Variants in NTM observed in about 807,000 individuals in gnomAD.
NTM encodes IgLON family member 2.
In NTM, 13 loss-of-function variants were observed where a neutral mutation model predicts 42.1. The ratio of observed to expected loss-of-function variants is 0.31; its 90% CI spans 0.20 to 0.49. The LOEUF is 0.49. NTM is among the 20% of genes least tolerant of loss of function. The pLI, the probability that NTM is intolerant of heterozygous loss-of-function variation, is 0.99. For synonymous variants in NTM, 187 were observed against 179.2 expected (o/e 1.04, Z -0.35); for missense variants, 373 against 452.8 (o/e 0.82, Z 1.60).
chr11:132,310,361 C>A, intron 6 of NTM, 129 bp downstream of exon 6: 3 of 825,172 alleles, frequency 3.6e-6, no homozygotes, highest in Non-Finnish European at 5.3e-6. Context: ...CTATAGGGGG[C>A]AAATGTGCAA....
rs533775865 is a variant in NTM, at chr11:131,715,257, C to T, written c.83-196307C>T. ...AGAAGGAGCTACAGAATTACTATTC[C>T]TATTTATAGCAAGATTGAACCAGAT... On this transcript the variant is annotated intron_variant, in intron 1 of 8. Coordinates refer to ENST00000683400, the MANE Select transcript of NTM (RefSeq NM_001352005.2). 4.6e-5 allele frequency among the ~76,000 whole-genome samples: 7 copies of T among 152,280 alleles called. No individual in the cohort carries two copies. The East Asian group carries it at 1.4e-3, about 29-fold the overall frequency.
At chr11:131,557,057 TTTTTTC>T (rs2055535106) in intron 1 of NTM, among the ~76,000 whole-genome samples, 1 of 152,060 alleles carries the variant, frequency 6.6e-6, no homozygotes, top group Non-Finnish European at 1.5e-5. Flanking sequence ...ATTTGTAACT[TTTTTTC>T]TTTTTTTAAC....
At chr11:131,567,898 CAG>C (rs1268199765) in intron 1 of NTM, among the ~76,000 whole-genome samples, 3 of 152,186 alleles carry the variant, frequency 2.0e-5, no homozygotes, top group African/African-American at 7.2e-5. Flanking sequence ...TTTGTAGTGA[CAG>C]AGGTGCAATC....
At chr11:131,527,142 C>A (rs753030084) in intron 1 of NTM, among the ~76,000 whole-genome samples, 1 of 152,112 alleles carries the variant, frequency 6.6e-6, no homozygotes, top group Non-Finnish European at 1.5e-5. Context: ...ATGTGTAACC[C>A]CCCTGGTCTC....
At chr11:132,064,416 A>T (rs1175746326) in intron 2 of NTM, among the ~76,000 whole-genome samples, 1 of 152,210 alleles carries the variant, frequency 6.6e-6, no homozygotes, top group African/African-American at 2.4e-5. Context: ...TAAGTTAGGT[A>T]CATGTTACAT....
chr11:131,814,207 T>C lies in NTM; in HGVS notation c.83-97357T>C, dbSNP rs376472521. ...GTGGGTACACATGGTCCCTATTCTCTGCTGGCCACTTTGGGTTTTACTCCA... is the reference window on the plus strand; with the variant it reads ...GTGGGTACACATGGTCCCTATTCTCCGCTGGCCACTTTGGGTTTTACTCCA... On this transcript the variant is annotated intron_variant, in intron 1 of 8. Coordinates refer to ENST00000683400, the MANE Select transcript of NTM (RefSeq NM_001352005.2). Among the ~76,000 whole-genome samples the C allele has an allele frequency of 9.8e-5, 15 of 152,330 alleles. No individual in the cohort carries two copies. In the South Asian group the frequency reaches 1.0e-3, roughly 11 times the overall value.
rs559527856 is a variant in NTM, at chr11:131,820,602, C to G, written c.83-90962C>G. Among the ~76,000 whole-genome samples the G allele has an allele frequency of 2.6e-5, 4 of 152,276 alleles. No homozygotes were observed. In the South Asian group the frequency reaches 8.3e-4, roughly 32 times the overall value. ...TTTTCCTGATCTGCTCTCCCTCTCT[C>G]CCACAGAGTTCACTATCCTTAATTT... On this transcript the variant is annotated intron_variant, in intron 1 of 8. Coordinates refer to ENST00000683400, the MANE Select transcript of NTM (RefSeq NM_001352005.2).
chr11:131,545,260 CATG>C (rs2136847082), intron 1 of NTM, among the ~76,000 whole-genome samples: 1 of 152,270 alleles, frequency 6.6e-6, no homozygotes, highest in East Asian at 1.9e-4. Flanking sequence ...TTTTTAAATG[CATG>C]ATACCTTTTC....
At chr11:131,920,715 C>G (rs1389405769) in intron 2 of NTM, among the ~76,000 whole-genome samples, 1 of 151,976 alleles carries the variant, frequency 6.6e-6, no homozygotes, top group Admixed American at 6.5e-5. Context: ...ATAAAATGAA[C>G]GTATGAACTA....
chr11:132,268,130 T>C (rs2093301841), intron 4 of NTM, among the ~76,000 whole-genome samples: 1 of 152,202 alleles, frequency 6.6e-6, no homozygotes, highest in African/African-American at 2.4e-5. Context: ...CTTAAATGTG[T>C]AAAGATTTTG....
chr11:132,240,500 C>T (rs1566555610), intron 4 of NTM, among the ~76,000 whole-genome samples: 1 of 152,220 alleles, frequency 6.6e-6, no homozygotes, highest in Non-Finnish European at 1.5e-5. Flanking sequence ...GCATTACTAA[C>T]TTGACTCTTC....
intron 1 of NTM, among the ~76,000 whole-genome samples, chr11:131,542,962 C>T (rs193058592): frequency 2.6e-4 from 40 of 152,276 alleles, no homozygotes; most frequent in Non-Finnish European, 3.7e-4. Context: ...ATCCAAAATA[C>T]GAGGCCCATA....
intron 1 of NTM, among the ~76,000 whole-genome samples, chr11:131,512,561 C>T (rs1283601900): frequency 6.6e-6 from 1 of 152,200 alleles, no homozygotes; most frequent in Admixed American, 6.5e-5. Flanking sequence ...CTGTGCTCCT[C>T]CCTCTCTACT....
At chr11:132,028,220 A>T (rs958286619) in intron 2 of NTM, among the ~76,000 whole-genome samples, 5 of 146,456 alleles carry the variant, frequency 3.4e-5, no homozygotes, top group African/African-American at 1.3e-4. Flanking sequence ...GCCTGTTCTG[A>T]TGCTTACTCT....
intron 6 of NTM, 30 bp from the exon 7 acceptor site, chr11:132,314,522 T>G (rs1218342013): frequency 3.1e-6 from 5 of 1,593,334 alleles, no homozygotes; most frequent in Non-Finnish European, 4.3e-6. Context: ...CCATCTTGTT[T>G]TCTTCTTTTT....
At chr11:131,616,812 T>TGC (rs71067325) in intron 1 of NTM, among the ~76,000 whole-genome samples, 1 of 143,246 alleles carries the variant, frequency 7.0e-6, no homozygotes, top group Admixed American at 7.0e-5. Flanking sequence ...TGTGTGTGTG[T>TGC]TGTTTGGTTT....
chr11:131,976,280 C>T (rs969133760), intron 2 of NTM, among the ~76,000 whole-genome samples: 6 of 152,070 alleles, frequency 3.9e-5, no homozygotes, highest in African/African-American at 7.2e-5. Flanking sequence ...AGCTTATACC[C>T]GAGCATGGGT....
chr11:132,309,439 T>C (rs1053394911), intron 5 of NTM, among the ~76,000 whole-genome samples: 1 of 152,196 alleles, frequency 6.6e-6, no homozygotes, highest in African/African-American at 2.4e-5. Context: ...TATATACTTT[T>C]GGCAAGAACC....
chr11:131,563,109 G>A (rs774060108), intron 1 of NTM, among the ~76,000 whole-genome samples: 3 of 152,142 alleles, frequency 2.0e-5, no homozygotes, highest in Non-Finnish European at 4.4e-5. Context: ...CATCTGGAAA[G>A]CTGAGATAAT....
Sources: gnomAD v4.1 joint callset for allele counts (sites outside exome capture counted in the v4.1 genomes callset) on GRCh38, gnomAD v4.1.1 for gene constraint, MANE v1.5 for transcripts, NCBI Gene and HGNC (gene_info 2026-07-23, HGNC 2026-07-21) for gene names.